Variants in DDI2 observed in about 807,000 individuals in gnomAD.
DDI2 encodes protein DDI1 homolog 2.
In DDI2, 5 loss-of-function variants were observed where a neutral mutation model predicts 48.1. The ratio of observed to expected loss-of-function variants is 0.10; its 90% CI spans 0.05 to 0.22. The LOEUF (loss-of-function observed/expected upper bound fraction) is 0.22. DDI2 is among the 10% of genes least tolerant of loss of function. DDI2 has a pLI of 1.00. For synonymous variants in DDI2, 205 were observed against 183.6 expected (o/e 1.12, Z -0.94); for missense variants, 285 against 506.2 (o/e 0.56, Z 4.19).
At chr1:15,624,048 G>A (rs747658421) in intron 1 of DDI2, among the ~76,000 whole-genome samples, 2 of 152,092 alleles carry the variant, frequency 1.3e-5, no homozygotes, top group East Asian at 1.9e-4. Context: ...GCGAGACTCC[G>A]TCTCAAAATA....
Position 15,633,571 on chromosome 1 carries a change from G to C in DDI2, c.632+6G>C. 6.2e-7 allele frequency: 1 copy of C among 1,610,714 alleles called. No individual in the cohort carries two copies. Among genetic ancestry groups the C allele is most frequent in the Non-Finnish European group, 8.5e-7 (1 of 1,178,178 alleles). On this transcript the variant is annotated splice_donor_region_variant and intron_variant, in intron 4 of 9. Transcript: ENST00000480945. ...AAGATAGAAGAAGATATAAGGTAAA[G>C]ACCTGTTCATCTAAAGAACAAAACT...
intron 1 of DDI2, among the ~76,000 whole-genome samples, chr1:15,620,785 TA>T (rs549928982): frequency 1.1e-4 from 16 of 152,212 alleles, no homozygotes; most frequent in Non-Finnish European, 2.2e-4. Flanking sequence ...GCATATATAA[TA>T]TGTTATCTGT....
intron 3 of DDI2, among the ~76,000 whole-genome samples, chr1:15,632,206 A>G (rs1272847131): frequency 1.3e-5 from 2 of 152,208 alleles, no homozygotes; most frequent in African/African-American, 2.4e-5. Flanking sequence ...AATCTCTTAT[A>G]TCAGCATATC....
intron 6 of DDI2, among the ~76,000 whole-genome samples, chr1:15,644,419 T>C (rs1640054362): frequency 6.6e-6 from 1 of 152,170 alleles, no homozygotes; most frequent in Non-Finnish European, 1.5e-5. Context: ...ACATGTCTTT[T>C]TTCCCTACAT....
At chr1:15,626,841 G>C (rs1389299783) in intron 2 of DDI2, 43 bp downstream of exon 2, 1 of 1,613,324 alleles carries the variant, frequency 6.2e-7, no homozygotes, top group Non-Finnish European at 8.5e-7. Context: ...AGAACCATCA[G>C]CAGGTAGCAG....
At position 15,630,314 on chromosome 1, in the gene DDI2, T is replaced by C. The variant is rs745657430; in HGVS notation, c.269-11T>C. 1 of 1,613,432 alleles carries C rather than the reference T, an allele frequency of 6.2e-7. No homozygotes were observed. Among genetic ancestry groups the C allele is most frequent in the Admixed American group, 1.7e-5 (1 of 59,970 alleles). Reference sequence around the variant, plus strand: ...GTAATTTGAGTAAACTGAATTGATTTTCCCCAACAGACTTACCCCGAATAG... The same window carrying C: ...GTAATTTGAGTAAACTGAATTGATTCTCCCCAACAGACTTACCCCGAATAG... On this transcript the variant is annotated splice_polypyrimidine_tract_variant and intron_variant, in intron 2 of 9. Transcript: ENST00000480945.
chr1:15,625,021 G>T (rs1162990638), intron 1 of DDI2, among the ~76,000 whole-genome samples: 2 of 152,020 alleles, frequency 1.3e-5, no homozygotes, highest in African/African-American at 4.8e-5. Flanking sequence ...ATTTGATTTT[G>T]GTAGGAACTC....
Position 15,660,132 on chromosome 1 carries a change from A to G in DDI2, c.*342A>G. 2 of 1,614,234 alleles carry G rather than the reference A, an allele frequency of 1.2e-6. No individual in the cohort carries two copies. Among genetic ancestry groups the G allele is most frequent in the Non-Finnish European group, 1.7e-6 (2 of 1,180,050 alleles). On this transcript the variant is annotated 3_prime_UTR_variant, in exon 10 of 10. Coordinates refer to ENST00000480945, the MANE Select transcript of DDI2 (RefSeq NM_032341.5). ...ATGCTTCCTCAGCAGACCATGCTCCAACAGACCAGAGTCCAGCTATGCCTA... is the reference window on the plus strand; with the variant it reads ...ATGCTTCCTCAGCAGACCATGCTCCGACAGACCAGAGTCCAGCTATGCCTA...
In DDI2 at chr1:15,659,978, T is replaced by C; in HGVS notation, c.*188T>C. On this transcript the variant is annotated 3_prime_UTR_variant, in exon 10 of 10. Transcript: ENST00000480945. ...CTTGCTCGCTCTGTCTCTGCTTCAGTCTGCCCTATCAAGCCCAGTGACTCA... is the reference window on the plus strand; with the variant it reads ...CTTGCTCGCTCTGTCTCTGCTTCAGCCTGCCCTATCAAGCCCAGTGACTCA... 6.2e-7 allele frequency: 1 copy of C among 1,614,220 alleles called. No homozygotes were observed. Among genetic ancestry groups the C allele is most frequent in the Non-Finnish European group, 8.5e-7 (1 of 1,180,034 alleles).
chr1:15,646,068 C>T (rs1640085705), intron 6 of DDI2, among the ~76,000 whole-genome samples: 1 of 152,180 alleles, frequency 6.6e-6, no homozygotes, highest in Non-Finnish European at 1.5e-5. Flanking sequence ...TCCCTCCATG[C>T]TCACCTCTGT....
Position 15,666,656 on chromosome 1 carries a change from G to T in DDI2, c.*6866G>T, listed in dbSNP as rs760567055. The T allele has an allele frequency of 6.6e-6, 1 of 152,182 alleles. No individual in the cohort carries two copies. The highest frequency in any genetic ancestry group is 6.5e-5 in the Admixed American group (1 of 15,280). 9.4% of individuals were successfully genotyped at this position (152,182 alleles called of 1,614,324 possible). A position where few individuals can be genotyped will look rare whatever the true frequency, so the allele number is the denominator to read the frequency against. ...TTGATTCATTCATCAAATACTGAGT[G>T]CCTGTGTGCCAGGCACAGGTGAACT... On this transcript the variant is annotated 3_prime_UTR_variant, in exon 10 of 10. Coordinates refer to ENST00000480945, the MANE Select transcript of DDI2 (RefSeq NM_032341.5).
rs1640487036 is a variant in DDI2, at chr1:15,668,606, T to A, written c.*8816T>A. On this transcript the variant is annotated 3_prime_UTR_variant, in exon 10 of 10. Transcript: ENST00000480945. ...CAAATCTTAGCAACTAGAAACCCCG[T>A]CCTTTCTTTTCCTTCTTTATATGTT... The A allele has an allele frequency of 6.6e-6, 1 of 152,224 alleles. No homozygotes were observed. Among genetic ancestry groups the A allele is most frequent in the Non-Finnish European group, 1.5e-5 (1 of 68,032 alleles). 9.4% of individuals were successfully genotyped at this position (152,224 alleles called of 1,614,324 possible).
At position 15,629,105 on chromosome 1, in the gene DDI2, A is replaced by C. The variant is rs184066466; in HGVS notation, c.269-1220A>C. 1.6e-4 allele frequency among the ~76,000 whole-genome samples: 24 copies of C among 152,292 alleles called. No homozygotes were observed. In the South Asian group the frequency reaches 2.7e-3, roughly 17 times the overall value. ...GTATTCAGCACTGAGAACCTATGCA[A>C]GTCCCTTTTCTTCTTTCTTTTCTAT... is the stretch of plus-strand genomic sequence containing the variant. On this transcript the variant is annotated intron_variant, in intron 2 of 9. Transcript: ENST00000480945.
Position 15,663,664 on chromosome 1 carries a change from A to T in DDI2, c.*3874A>T, listed in dbSNP as rs1464332923. On this transcript the variant is annotated 3_prime_UTR_variant, in exon 10 of 10. Transcript: ENST00000480945. ...TTCTGTCAGCTGACTTAAAGCTGTG[A>T]TTGTAATTAAATAGTTGGTGCTATG... 4 of 152,118 alleles carry T rather than the reference A, an allele frequency of 2.6e-5. No homozygotes were observed. Among genetic ancestry groups the T allele is most frequent in the African/African-American group, 4.8e-5 (2 of 41,418 alleles). The allele number at this position is 152,118 out of a possible 1,614,324, so 9.4% of individuals were successfully genotyped here. A position where few individuals can be genotyped will look rare whatever the true frequency, so the allele number is the denominator to read the frequency against.
At chr1:15,631,335 C>T (rs1465096377) in intron 3 of DDI2, among the ~76,000 whole-genome samples, 2 of 152,222 alleles carry the variant, frequency 1.3e-5, no homozygotes, top group African/African-American at 2.4e-5. Context: ...AGGCTGCTTT[C>T]GAATTCTTGG....
intron 8 of DDI2, among the ~76,000 whole-genome samples, chr1:15,655,465 A>C (rs979370537): frequency 3.3e-5 from 5 of 150,844 alleles, no homozygotes; most frequent in Non-Finnish European, 7.4e-5. Context: ...AAAAAAAAAA[A>C]CCACGGCTGG....
At chr1:15,630,656 A>G in intron 3 of DDI2, 95 bp downstream of exon 3, 1 of 863,382 alleles carries the variant, frequency 1.2e-6, no homozygotes, top group Non-Finnish European at 1.9e-6. Flanking sequence ...ACTGTGTCAC[A>G]TGATTTATTG....
At chr1:15,622,553 T>C (rs756495855) in intron 1 of DDI2, among the ~76,000 whole-genome samples, 6 of 152,236 alleles carry the variant, frequency 3.9e-5, no homozygotes, top group Non-Finnish European at 7.3e-5. Flanking sequence ...CTCATAGCTG[T>C]ATACATTTTC....
rs1469465438 is a variant in DDI2 at position 15,668,596 on chromosome 1, A to C, written c.*8806A>C. On this transcript the variant is annotated 3_prime_UTR_variant, in exon 10 of 10. Transcript: ENST00000480945. ...CCATGTTTGGCAAATCTTAGCAACT[A>C]GAAACCCCGTCCTTTCTTTTCCTTC... 6.6e-6 allele frequency: 1 copy of C among 152,234 alleles called. No individual in the cohort carries two copies. Among genetic ancestry groups the C allele is most frequent in the African/African-American group, 2.4e-5 (1 of 41,462 alleles). The allele number at this position is 152,234 out of a possible 1,614,324, so 9.4% of individuals were successfully genotyped here.
Sources: allele counts gnomAD v4.1 joint callset (sites outside exome capture counted in the v4.1 genomes callset), GRCh38; gene constraint gnomAD v4.1.1; transcripts MANE v1.5; gene names NCBI Gene and HGNC (gene_info 2026-07-23, HGNC 2026-07-21).